Variants in PHF21A observed in about 807,000 individuals in gnomAD.
PHF21A encodes the protein BHC80a.
In PHF21A, 11 loss-of-function variants were observed where a neutral mutation model predicts 82.5. That is an observed-to-expected ratio of 0.13 (90% CI 0.08 to 0.22). The LOEUF is 0.22. Ranked by LOEUF, PHF21A falls within the 10% of genes least tolerant of loss-of-function variation. The pLI is 1.00. For synonymous variants in PHF21A, 297 were observed against 302.8 expected, an observed-to-expected ratio of 0.98 and a Z score of 0.20; for missense variants, 579 against 837.8, an observed-to-expected ratio of 0.69 and a Z score of 3.81.
chr11:46,100,593 C>T (rs1470104864), intron 1 of PHF21A, among the ~76,000 whole-genome samples: 1 of 152,164 alleles, frequency 6.6e-6, no homozygotes, highest in African/African-American at 2.4e-5. Context: ...ATACTCCTTG[C>T]ACTAAATGAT....
At chr11:46,002,159 C>T (rs892703145) in intron 6 of PHF21A, among the ~76,000 whole-genome samples, 3 of 152,148 alleles carry the variant, frequency 2.0e-5, no homozygotes, top group African/African-American at 7.2e-5. Context: ...TACTACTTCA[C>T]TTAATGTTTT....
At chr11:46,110,027 A>G (rs977590994) in intron 1 of PHF21A, among the ~76,000 whole-genome samples, 4 of 151,824 alleles carry the variant, frequency 2.6e-5, no homozygotes, top group Non-Finnish European at 4.4e-5. Flanking sequence ...AGGGTGGATC[A>G]CTAATTTTTT....
intron 1 of PHF21A, among the ~76,000 whole-genome samples, chr11:46,108,588 A>ATATATATAT (rs67231476): frequency 2.5e-5 from 3 of 118,112 alleles, no homozygotes; most frequent in African/African-American, 3.6e-5. Flanking sequence ...TATATATATA[A>ATATATATAT]AATACATATG....
At chr11:45,962,283 G>C (rs901657020) in intron 10 of PHF21A, among the ~76,000 whole-genome samples, 1 of 131,006 alleles carries the variant, frequency 7.6e-6, no homozygotes, top group East Asian at 2.4e-4. Context: ...TGGTCATAGA[G>C]AGAACGTTGG....
chr11:45,950,324 C>G, intron 11 of PHF21A, 67 bp from the exon 12 acceptor site: 1 of 1,397,084 alleles, frequency 7.2e-7, no homozygotes, highest in Non-Finnish European at 1.0e-6. Flanking sequence ...TTGCCAGTTC[C>G]TAGTAGGACA....
chr11:45,977,206 G>A (rs571675750), intron 7 of PHF21A, among the ~76,000 whole-genome samples: 5 of 147,782 alleles, frequency 3.4e-5, no homozygotes, highest in East Asian at 4.0e-4. Flanking sequence ...GTACGATCTC[G>A]GCTCACTGGA....
Position 45,977,648 on chromosome 11 carries a change from C to G in PHF21A, c.360+2112G>C, listed in dbSNP as rs2094100841. Among the ~76,000 whole-genome samples, 7 of 152,186 alleles carry G rather than the reference C, an allele frequency of 4.6e-5. 1 individual carries two copies. The South Asian group carries it at 1.4e-3, about 31-fold the overall frequency. ...TTATCCTCTAAACATTCTTTCAGAA[C>G]TAATACAAGTGCTGGTAAGGAGATT... On this transcript the variant is annotated intron_variant, in intron 7 of 18. Transcript: ENST00000676320.
chr11:46,028,571 C>CTTTTT (rs869035139), intron 6 of PHF21A, among the ~76,000 whole-genome samples: 4 of 106,316 alleles, frequency 3.8e-5, no homozygotes, highest in Non-Finnish European at 7.7e-5. Flanking sequence ...AAAAGCTTGC[C>CTTTTT]TTTTTTTTTT....
intron 6 of PHF21A, among the ~76,000 whole-genome samples, chr11:45,986,286 C>T (rs960629299): frequency 6.6e-6 from 1 of 152,036 alleles, no homozygotes; most frequent in Non-Finnish European, 1.5e-5. Context: ...AATAGGTAAA[C>T]TCAACCCCAT....
At position 45,931,780 on chromosome 11, in the gene PHF21A, C is replaced by T. The variant is rs2087672093; in HGVS notation, c.*2188G>A. 6.6e-6 allele frequency: 1 copy of T among 152,424 alleles called. No homozygotes were observed. Among genetic ancestry groups the T allele is most frequent in the African/African-American group, 2.4e-5 (1 of 41,450 alleles). 9.4% of individuals were successfully genotyped at this position (152,424 alleles called of 1,614,324 possible). On this transcript the variant is annotated 3_prime_UTR_variant, in exon 19 of 19. Coordinates refer to ENST00000676320, the MANE Select transcript of PHF21A (RefSeq NM_001352027.3). ...GAGCCTCCACCGCCCTCCCATCGGC[C>T]AGGGGCACGCAAGGGGCAAAGGTCT...
chr11:46,077,624 T>C (rs2096742051), intron 5 of PHF21A, among the ~76,000 whole-genome samples: 1 of 152,206 alleles, frequency 6.6e-6, no homozygotes, highest in African/African-American at 2.4e-5. Context: ...GAACACATCT[T>C]CCTCGTCTAT....
chr11:46,023,433 A>G (rs932005653), intron 6 of PHF21A, among the ~76,000 whole-genome samples: 2 of 152,220 alleles, frequency 1.3e-5, no homozygotes, highest in Non-Finnish European at 2.9e-5. Flanking sequence ...GCCAAAACCC[A>G]TTTCCAAAAC....
chr11:46,033,955 A>T (rs2095925362), intron 6 of PHF21A, among the ~76,000 whole-genome samples: 1 of 152,198 alleles, frequency 6.6e-6, no homozygotes, highest in Non-Finnish European at 1.5e-5. Flanking sequence ...TGTTTTCCAA[A>T]GTTGTTGAAC....
intron 10 of PHF21A, among the ~76,000 whole-genome samples, chr11:45,963,601 C>CT (rs777618934): frequency 1.4e-4 from 21 of 152,020 alleles, no homozygotes; most frequent in Non-Finnish European, 2.6e-4. Flanking sequence ...TAAAAATGAA[C>CT]TTGTACTATC....
At chr11:46,101,560 CTT>C (rs1376814504) in intron 1 of PHF21A, among the ~76,000 whole-genome samples, 3 of 152,142 alleles carry the variant, frequency 2.0e-5, no homozygotes. Context: ...TATAAAGGCT[CTT>C]GTCTCAAATG....
intron 6 of PHF21A, among the ~76,000 whole-genome samples, chr11:46,038,259 T>A (rs1195590371): frequency 6.6e-6 from 1 of 152,074 alleles, no homozygotes; most frequent in African/African-American, 2.4e-5. Context: ...CCTGAGTAGC[T>A]GAGATTATAA....
intron 6 of PHF21A, among the ~76,000 whole-genome samples, chr11:46,023,830 C>T (rs942069545): frequency 1.1e-4 from 16 of 152,142 alleles, no homozygotes; most frequent in Admixed American, 8.5e-4. Flanking sequence ...GTGGCGGGTG[C>T]CTATAATCCC....
rs1591540687 is a variant in PHF21A, at chr11:45,980,087, T to C, written c.154-121A>G. 2.1e-6 allele frequency: 3 copies of C among 1,399,812 alleles called. No individual in the cohort carries two copies. The East Asian group carries it at 7.4e-5, about 35-fold the overall frequency. 86.7% of individuals were successfully genotyped at this position (1,399,812 alleles called of 1,614,324 possible). On this transcript the variant is annotated intron_variant, in intron 6 of 18. Transcript: ENST00000676320. ...CATCTAAAACTTATTACATCTAAAT[T>C]TACACAGGTTCTACATATGAAGAGC... is the stretch of plus-strand genomic sequence containing the variant.
In PHF21A at chr11:45,932,325, C is replaced by G. The variant is rs996327864; in HGVS notation, c.*1643G>C. The G allele has an allele frequency of 1.3e-5, 2 of 152,286 alleles. No homozygotes were observed. The highest frequency in any genetic ancestry group is 2.9e-5 in the Non-Finnish European group (2 of 68,064). 9.4% of individuals were successfully genotyped at this position (152,286 alleles called of 1,614,324 possible). A position where few individuals can be genotyped will look rare whatever the true frequency, so the allele number is the denominator to read the frequency against. ...CACCAGCCTTTTGCTCTAGCAGAAT[C>G]TGAGAAGACCACGGGTAGGGCCCTG... is the stretch of plus-strand genomic sequence containing the variant. On this transcript the variant is annotated 3_prime_UTR_variant, in exon 19 of 19. Coordinates refer to ENST00000676320, the MANE Select transcript of PHF21A (RefSeq NM_001352027.3). The surrounding 1 kb of genome is among the most constrained non-coding windows in gnomAD (Gnocchi z 4.3).
Sources: gnomAD v4.1 joint callset for allele counts (sites outside exome capture counted in the v4.1 genomes callset) on GRCh38, gnomAD v4.1.1 for gene constraint, Gnocchi (gnomAD v3.1) non-coding constraint, MANE v1.5 for transcripts, NCBI Gene and HGNC (gene_info 2026-07-23, HGNC 2026-07-21) for gene names.